Variants in MAGI2 observed in about 807,000 individuals in gnomAD.
The protein encoded by MAGI2 is membrane-associated guanylate kinase, WW and PDZ domain-containing protein 2.
A neutral mutation model predicts 133.3 loss-of-function variants in MAGI2; 35 were observed. The ratio of observed to expected loss-of-function variants is 0.26; its 90% CI spans 0.20 to 0.35. MAGI2 has a LOEUF of 0.35. Ranked by LOEUF, MAGI2 falls within the 10% of genes least tolerant of loss-of-function variation. MAGI2 has a pLI of 1.00. For missense variants in MAGI2, 1,636 were observed against 1,863.4 expected (o/e 0.88, Z 2.25); for synonymous variants, 729 against 710.6 (o/e 1.03, Z -0.41).
intron 2 of MAGI2, among the ~76,000 whole-genome samples, chr7:78,955,723 C>CCCTT (rs1802265736): frequency 2.4e-5 from 2 of 83,434 alleles, no homozygotes; most frequent in Non-Finnish European, 2.4e-5. Context: ...TTCTTTCTTT[C>CCCTT]TCTTTCTTTC....
chr7:79,371,799 C>T (rs1031179908), intron 1 of MAGI2, among the ~76,000 whole-genome samples: 1 of 152,096 alleles, frequency 6.6e-6, no homozygotes, highest in Non-Finnish European at 1.5e-5. Flanking sequence ...CTTTAGCTTT[C>T]ATAATAGTCA....
rs546034175 is a variant in MAGI2 at position 78,272,870 on chromosome 7, C to T, written c.1409-16289G>A. 3.9e-5 allele frequency among the ~76,000 whole-genome samples: 6 copies of T among 152,218 alleles called. No homozygotes were observed. The South Asian group carries it at 1.0e-3, about 26-fold the overall frequency. ...AGATGGGTCTACTGAATATAGCATA[C>T]TGATGGGTCTTGACTCTTTATCCAA... On this transcript the variant is annotated intron_variant, in intron 9 of 21. Coordinates refer to ENST00000354212, the MANE Select transcript of MAGI2 (RefSeq NM_012301.4).
chr7:79,309,309 C>T lies in MAGI2; in HGVS notation c.301+143711G>A, dbSNP rs369405260. The stretch of plus-strand genomic sequence containing the variant: ...TAAATCTTTCAAGATTTGTGTTGGA[C>T]GAGGAAACTAGTTTAGAGATTTTGT... On this transcript the variant is annotated intron_variant, in intron 1 of 21. Transcript: ENST00000354212. Among the ~76,000 whole-genome samples the T allele has an allele frequency of 1.5e-4, 23 of 151,512 alleles. No individual in the cohort carries two copies. In the East Asian group the frequency reaches 1.6e-3, roughly 10 times the overall value.
chr7:78,323,811 C>T (rs1282770367), intron 9 of MAGI2, among the ~76,000 whole-genome samples: 2 of 152,142 alleles, frequency 1.3e-5, no homozygotes, highest in Non-Finnish European at 2.9e-5. Context: ...CTTAGTACTT[C>T]TTAACAACAA....
At chr7:79,233,795 T>C (rs1480027346) in intron 1 of MAGI2, among the ~76,000 whole-genome samples, 1 of 144,108 alleles carries the variant, frequency 6.9e-6, no homozygotes, top group African/African-American at 2.6e-5. Flanking sequence ...TCCATTTACA[T>C]TTAAAGTTAA....
At chr7:78,554,692 C>T (rs575852358) in intron 3 of MAGI2, 1 of 152,352 alleles carries the variant, frequency 6.6e-6, no homozygotes, top group East Asian at 1.9e-4. Context: ...AGGAAAAGAA[C>T]ATCCTTATCT....
At chr7:78,042,694 TAAG>T (rs1179215415) in intron 21 of MAGI2, among the ~76,000 whole-genome samples, 2 of 152,252 alleles carry the variant, frequency 1.3e-5, no homozygotes. Flanking sequence ...ACATTGTTAA[TAAG>T]AAGTAAATGC....
At chr7:78,607,062 T>C (rs1233882536) in intron 3 of MAGI2, among the ~76,000 whole-genome samples, 1 of 152,234 alleles carries the variant, frequency 6.6e-6, no homozygotes, top group Admixed American at 6.5e-5. Context: ...AACGTAACTG[T>C]TACAAGGACC....
intron 2 of MAGI2, among the ~76,000 whole-genome samples, chr7:78,837,916 A>C (rs1791790620): frequency 6.6e-6 from 1 of 152,132 alleles, no homozygotes; most frequent in African/African-American, 2.4e-5. Context: ...CTAGATGAGA[A>C]TTCAACATCT....
At chr7:78,653,399 T>C (rs1465033491) in intron 2 of MAGI2, among the ~76,000 whole-genome samples, 8 of 152,124 alleles carry the variant, frequency 5.3e-5, no homozygotes, top group Non-Finnish European at 1.2e-4. Flanking sequence ...TGCCCATCAG[T>C]GTAGACTGGA....
intron 10 of MAGI2, among the ~76,000 whole-genome samples, chr7:78,222,349 AAC>A (rs1486227066): frequency 7.2e-5 from 11 of 152,220 alleles, no homozygotes; most frequent in Non-Finnish European, 1.5e-4. Context: ...GGAGAAAAAT[AAC>A]ACAGAACAAG....
chr7:79,266,299 T>C (rs1834453842), intron 1 of MAGI2, among the ~76,000 whole-genome samples: 1 of 137,608 alleles, frequency 7.3e-6, no homozygotes, highest in Non-Finnish European at 1.5e-5. Flanking sequence ...AGTCTTCATA[T>C]ACTAACGGGT....
chr7:78,108,766 GTA>G (rs1454345927), intron 20 of MAGI2, among the ~76,000 whole-genome samples: 1 of 150,666 alleles, frequency 6.6e-6, no homozygotes, highest in Non-Finnish European at 1.5e-5. Context: ...GTGAGTGTGT[GTA>G]TATATGTGTT....
At chr7:79,129,448 A>T (rs752393232) in intron 1 of MAGI2, among the ~76,000 whole-genome samples, 2 of 152,170 alleles carry the variant, frequency 1.3e-5, no homozygotes, top group Non-Finnish European at 1.5e-5. Flanking sequence ...GTTTTTTAGC[A>T]CTTTGGTTAG....
intron 6 of MAGI2, among the ~76,000 whole-genome samples, chr7:78,432,023 CTTAAT>C (rs888305656): frequency 2.0e-4 from 31 of 151,920 alleles, no homozygotes; most frequent in African/African-American, 5.5e-4. Flanking sequence ...CGTTCAAATA[CTTAAT>C]TTAAAGAAAA....
chr7:78,303,861 G>C (rs190505138), intron 9 of MAGI2, among the ~76,000 whole-genome samples: 1 of 152,104 alleles, frequency 6.6e-6, no homozygotes, highest in African/African-American at 2.4e-5. Flanking sequence ...TCACAATTCA[G>C]ACTAAAAATC....
chr7:78,874,652 A>C (rs1795281709), intron 2 of MAGI2, among the ~76,000 whole-genome samples: 1 of 152,198 alleles, frequency 6.6e-6, no homozygotes, highest in Non-Finnish European at 1.5e-5. Flanking sequence ...GGAAAGGGAA[A>C]TCAATCTATT....
chr7:78,384,141 G>T (rs1222156079), intron 6 of MAGI2, among the ~76,000 whole-genome samples: 1 of 151,910 alleles, frequency 6.6e-6, no homozygotes, highest in Non-Finnish European at 1.5e-5. Context: ...AATGACATTA[G>T]TATTTTGATA....
chr7:78,936,418 T>C (rs976673903), intron 2 of MAGI2, among the ~76,000 whole-genome samples: 4 of 151,940 alleles, frequency 2.6e-5, no homozygotes, highest in Admixed American at 1.3e-4. Context: ...TAAAATAATA[T>C]GTTGATAATC....
Sources: allele counts gnomAD v4.1 joint callset (sites outside exome capture counted in the v4.1 genomes callset), GRCh38; gene constraint gnomAD v4.1.1; transcripts MANE v1.5; gene names NCBI Gene and HGNC (gene_info 2026-07-23, HGNC 2026-07-21).